SCOC: variants seen among roughly 807,000 people sequenced by gnomAD.
SCOC encodes the protein short coiled coil protein.
Under a neutral mutation model 9.9 loss-of-function variants are expected in SCOC, and 7 were observed. The ratio of observed to expected loss-of-function variants is 0.71; its 90% CI spans 0.40 to 1.33. The LOEUF (loss-of-function observed/expected upper bound fraction) is 1.33, where lower values mean the gene tolerates loss of function less well. Among genes scored for constraint, SCOC ranks in the 40% most tolerant of loss-of-function variants. The pLI, the probability that SCOC is intolerant of heterozygous loss-of-function variation, is 0.01. For synonymous variants in SCOC, 19 were observed against 28.2 expected, an observed-to-expected ratio of 0.67 and a Z score of 1.03; for missense variants, 66 against 89.7, an observed-to-expected ratio of 0.74 and a Z score of 1.07.
intron 1 of SCOC, among the ~76,000 whole-genome samples, chr4:140,305,961 C>T (rs1265812056): frequency 6.6e-6 from 1 of 152,218 alleles, no homozygotes; most frequent in African/African-American, 2.4e-5. Context: ...CTTCCTGGGA[C>T]TTCCCTTCTA....
intron 2 of SCOC, among the ~76,000 whole-genome samples, chr4:140,347,486 G>T (rs1050017169): frequency 6.6e-6 from 1 of 152,118 alleles, no homozygotes; most frequent in Non-Finnish European, 1.5e-5. Context: ...CACGGCTCAG[G>T]TTCCTCTTCA....
At chr4:140,316,660 C>G (rs1732328234) in intron 1 of SCOC, among the ~76,000 whole-genome samples, 1 of 152,124 alleles carries the variant, frequency 6.6e-6, no homozygotes, top group African/African-American at 2.4e-5. Context: ...GTGCCTTTCC[C>G]TTGCTGCCCT....
chr4:140,310,121 A>G (rs1362435104), intron 1 of SCOC, among the ~76,000 whole-genome samples: 18 of 152,228 alleles, frequency 1.2e-4, no homozygotes, highest in Admixed American at 1.2e-3. Flanking sequence ...ATGGTGAAGG[A>G]GATTATTGTA....
At chr4:140,377,743 A>G (rs1049604304) in intron 1 of SCOC, among the ~76,000 whole-genome samples, 1 of 152,188 alleles carries the variant, frequency 6.6e-6, no homozygotes, top group Non-Finnish European at 1.5e-5. Flanking sequence ...ATTTGTATTA[A>G]CAGCTGTGAG....
chr4:140,309,690 T>C (rs1732095335), intron 1 of SCOC, among the ~76,000 whole-genome samples: 1 of 152,126 alleles, frequency 6.6e-6, no homozygotes, highest in African/African-American at 2.4e-5. Context: ...GAAAAACAAA[T>C]ACCATTCCAA....
At chr4:140,373,581 C>T, upstream of SCOC, 1 of 1,551,678 alleles carries the variant, frequency 6.4e-7, no homozygotes. Context: ...GGGCGAGCGG[C>T]TGGGACGGGA....
At chr4:140,339,344 A>G (rs1726406155), upstream of SCOC, among the ~76,000 whole-genome samples, 1 of 151,872 alleles carries the variant, frequency 6.6e-6, no homozygotes. Context: ...AACCATAAAA[A>G]CCCTAGAAGA....
At chr4:140,268,735 A>G (rs1730781424) in intron 1 of SCOC, among the ~76,000 whole-genome samples, 1 of 152,186 alleles carries the variant, frequency 6.6e-6, no homozygotes, top group Non-Finnish European at 1.5e-5. Flanking sequence ...CTCAGAGACA[A>G]CAGGGGCATG....
At chr4:140,335,295 G>A (rs1732927320) in intron 1 of SCOC, among the ~76,000 whole-genome samples, 1 of 152,220 alleles carries the variant, frequency 6.6e-6, no homozygotes, top group Admixed American at 6.5e-5. Flanking sequence ...TGGGTCATGA[G>A]CAAGCCATTT....
At chr4:140,303,507 C>T (rs1731873688) in intron 1 of SCOC, among the ~76,000 whole-genome samples, 5 of 152,170 alleles carry the variant, frequency 3.3e-5, no homozygotes, top group Non-Finnish European at 7.4e-5. Flanking sequence ...TTTTCAGTGC[C>T]CATGGCTAGG....
chr4:140,381,276 TTA>T lies in SCOC; in HGVS notation c.*174_*175del, dbSNP rs1452900783. 2 of 570,326 alleles carry T rather than the reference TTA, an allele frequency of 3.5e-6. No homozygotes were observed. Among genetic ancestry groups the T allele is most frequent in the African/African-American group, 3.9e-5 (2 of 51,130 alleles). 35.3% of individuals were successfully genotyped at this position (570,326 alleles called of 1,614,324 possible). On this transcript the variant is annotated 3_prime_UTR_variant, in exon 4 of 4. Transcript: ENST00000608372. The stretch of plus-strand genomic sequence containing the variant: ...CAGGAGACTTCCATAAGTTTGTGTA[TTA>T]TGTTAGTCTATGAAAACGTGCAAAT...
chr4:140,346,192 A>T (rs1726732173), intron 2 of SCOC, among the ~76,000 whole-genome samples: 1 of 152,038 alleles, frequency 6.6e-6, no homozygotes, highest in Admixed American at 6.6e-5. Flanking sequence ...TTTTTGGTAG[A>T]TTGTTGGAGC....
chr4:140,305,794 T>C (rs947406274), intron 1 of SCOC, among the ~76,000 whole-genome samples: 2 of 152,120 alleles, frequency 1.3e-5, no homozygotes, highest in African/African-American at 4.8e-5. Flanking sequence ...AAAGATTCCA[T>C]GATGTAAAGC....
rs1196115778 is a variant in SCOC, at chr4:140,336,111, C to T, written c.-18-7510C>T. Among the ~76,000 whole-genome samples the T allele has an allele frequency of 3.3e-5, 5 of 152,230 alleles. No individual in the cohort carries two copies. In the East Asian group the frequency reaches 5.8e-4, roughly 18 times the overall value. On this transcript the variant is annotated intron_variant, in intron 1 of 4. Coordinates refer to the SCOC transcript ENST00000394205. ...TTGAATTTGAATTGTAAAGTAGTTA[C>T]AATTTAATACACTTATAAATAATGT...
upstream of SCOC, among the ~76,000 whole-genome samples, chr4:140,370,560 A>T (rs1214187390): frequency 6.6e-6 from 1 of 152,220 alleles, no homozygotes; most frequent in South Asian, 2.1e-4. Context: ...TGATTCTAAT[A>T]TACTGAAAAG....
chr4:140,260,966 C>G (rs1402064890), intron 1 of SCOC, among the ~76,000 whole-genome samples: 2 of 152,122 alleles, frequency 1.3e-5, no homozygotes, highest in Non-Finnish European at 2.9e-5. Context: ...TTTTTAGCCT[C>G]ATGTATATTA....
chr4:140,281,250 C>A (rs2126416079), intron 1 of SCOC, among the ~76,000 whole-genome samples: 1 of 147,632 alleles, frequency 6.8e-6, no homozygotes, highest in Non-Finnish European at 1.5e-5. Flanking sequence ...GTCACTTTTT[C>A]TTCCCTTAAA....
In SCOC at chr4:140,362,271, G is replaced by GTCTGTTCTTCTTCTTCT. The variant is rs1553941052; in HGVS notation, c.71-16848_71-16847insTGTTCTTCTTCTTCTTC. The stretch of plus-strand genomic sequence containing the variant: ...CTAAAGACCGGCTAAAGACAGGTGT[G>GTCTGTTCTTCTTCTTCT]TCCTTACTTCTTCTTCTTCTTCTTC... On this transcript the variant is annotated intron_variant, in intron 2 of 4. Coordinates refer to the SCOC transcript ENST00000338517. Among the ~76,000 whole-genome samples the GTCTGTTCTTCTTCTTCT allele has an allele frequency of 7.3e-5, 2 of 27,338 alleles. 1 individual carries two copies. The highest frequency in any genetic ancestry group is 1.5e-4 in the Non-Finnish European group (2 of 13,532). The allele number at this position is 27,338 out of a possible 152,430, so 17.9% of individuals were successfully genotyped here.
chr4:140,349,808 C>T (rs1009816003), intron 2 of SCOC, among the ~76,000 whole-genome samples: 1 of 152,110 alleles, frequency 6.6e-6, no homozygotes, highest in Non-Finnish European at 1.5e-5. Context: ...ACCTGCCTCC[C>T]AATGGTTTAT....
Sources: allele counts gnomAD v4.1 joint callset (sites outside exome capture counted in the v4.1 genomes callset), GRCh38; gene constraint gnomAD v4.1.1; transcripts MANE v1.5; gene names NCBI Gene and HGNC (gene_info 2026-07-23, HGNC 2026-07-21).